TBC1D9B: variants seen among roughly 807,000 people sequenced by gnomAD.
The protein encoded by TBC1D9B is TBC1 domain family, member 9B (with GRAM domain).
In TBC1D9B, 87 loss-of-function variants were observed where a neutral mutation model predicts 121.1. The ratio of observed to expected loss-of-function variants is 0.72; its 90% CI spans 0.60 to 0.86. TBC1D9B has a LOEUF of 0.86. Among genes scored for constraint, TBC1D9B ranks in the 40% least tolerant of loss-of-function variants. The pLI is 0.00. For missense variants in TBC1D9B, 1,540 were observed against 1,628.6 expected (o/e 0.95, Z 0.94); for synonymous variants, 668 against 670.1 (o/e 1.00, Z 0.05).
intron 7 of TBC1D9B, among the ~76,000 whole-genome samples, chr5:179,881,946 G>GT (rs796278508): frequency 0.065 from 8,352 of 128,208 alleles, 1,174 homozygotes; most frequent in African/African-American, 0.23. Context: ...TATACCTTCC[G>GT]TTTTTTTTTT....
chr5:179,878,782 G>A (rs1467087764), intron 9 of TBC1D9B, among the ~76,000 whole-genome samples: 1 of 152,162 alleles, frequency 6.6e-6, no homozygotes, highest in Non-Finnish European at 1.5e-5. Flanking sequence ...GCCTCTAGGG[G>A]ACCTGTTTCC....
At chr5:179,894,260 G>A (rs545031718) in intron 4 of TBC1D9B, 126 bp downstream of exon 4, 26 of 910,424 alleles carry the variant, frequency 2.9e-5, no homozygotes, top group South Asian at 8.3e-5. Flanking sequence ...ATCTTGGGCC[G>A]CTAAGGTGGC....
rs924512687 is a variant in TBC1D9B, at chr5:179,885,096, C to T, written c.1254+3007G>A. Among the ~76,000 whole-genome samples, 10 of 152,132 alleles carry T rather than the reference C, an allele frequency of 6.6e-5. No homozygotes were observed. Among genetic ancestry groups the T allele is most frequent in the Admixed American group, 4.6e-4 (7 of 15,276 alleles). On this transcript the variant is annotated intron_variant, in intron 7 of 20. Transcript: ENST00000355235. The surrounding 1 kb of genome is among the most constrained non-coding windows in gnomAD (Gnocchi z 4.5). ...CCCTGCTTCTGTGATGGGCTCCAGC[C>T]GGCCTCCTTGCTTCTATTCTTGCCA... is the stretch of plus-strand genomic sequence containing the variant.
At chr5:179,877,847 C>T (rs2113617778) in intron 10 of TBC1D9B, among the ~76,000 whole-genome samples, 1 of 152,160 alleles carries the variant, frequency 6.6e-6, no homozygotes, top group South Asian at 2.1e-4. Context: ...ATATGAGACA[C>T]AGTAGTCAAA....
rs1052522360 is a variant in TBC1D9B, at chr5:179,890,430, C to T, written c.1044+949G>A. Among the ~76,000 whole-genome samples, 1 of 152,150 alleles carries T rather than the reference C, an allele frequency of 6.6e-6. No individual in the cohort carries two copies. Among genetic ancestry groups the T allele is most frequent in the Non-Finnish European group, 1.5e-5 (1 of 68,020 alleles). ...CTGGGGGACAGGTCAGTACAGTGCC[C>T]CGGACAGATCCACAGGGCCCTGGTG... On this transcript the variant is annotated intron_variant, in intron 6 of 20. Coordinates refer to ENST00000355235, the MANE Select transcript of TBC1D9B (RefSeq NM_015043.4). The surrounding 1 kb of genome is among the most constrained non-coding windows in gnomAD (Gnocchi z 5.0).
chr5:179,869,548 C>T (rs1760122203), intron 17 of TBC1D9B: 2 of 685,310 alleles, frequency 2.9e-6, no homozygotes, highest in South Asian at 3.0e-5. Context: ...GCCCGGTCAC[C>T]CATGGGATTC....
intron 14 of TBC1D9B, chr5:179,872,487 G>A: frequency 4.8e-6 from 1 of 207,892 alleles, no homozygotes; most frequent in African/African-American, 2.3e-5. Flanking sequence ...TGGCAGGGAG[G>A]GCCTGGCCCC....
At position 179,888,142 on chromosome 5, in the gene TBC1D9B, G is replaced by C; in HGVS notation, c.1215C>G (p.Ile405Met). ...QKTPSKQPGS[I>M]GSRKASVVDP... Reference sequence around the variant, plus strand: ...CCACAACACTGGCTTTCCTGCTCCCGATACTGCCTGGCTGCTTGGATGGTG... The same window carrying C: ...CCACAACACTGGCTTTCCTGCTCCCCATACTGCCTGGCTGCTTGGATGGTG... Residue 405 changes from isoleucine (I) to methionine (M), a missense_variant, in exon 7 of 21, where the codon ATC becomes ATG. Ile to Met is a conservative substitution (Grantham distance 10). Transcript: ENST00000355235. 6.2e-7 allele frequency: 1 copy of C among 1,613,836 alleles called. No individual in the cohort carries two copies. The highest frequency in any genetic ancestry group is 1.7e-4 in the Middle Eastern group (1 of 6,038).
intron 6 of TBC1D9B, among the ~76,000 whole-genome samples, 177 bp from the exon 7 acceptor site, chr5:179,888,489 C>T (rs974134418): frequency 6.6e-6 from 1 of 152,168 alleles, no homozygotes; most frequent in Admixed American, 6.5e-5. Flanking sequence ...GAGCAAGTTG[C>T]CTGTGCCTCT....
At chr5:179,878,739 G>A (rs1298830364) in intron 9 of TBC1D9B, among the ~76,000 whole-genome samples, 1 of 152,218 alleles carries the variant, frequency 6.6e-6, no homozygotes, top group Non-Finnish European at 1.5e-5. Flanking sequence ...CCACGGGTGT[G>A]AATGCTGTCA....
rs773292824 is a variant in TBC1D9B at position 179,899,207 on chromosome 5, G to A, written c.330C>T (p.Phe110=). 1.2e-5 allele frequency: 19 copies of A among 1,613,418 alleles called. No homozygotes were observed. Among genetic ancestry groups the A allele is most frequent in the South Asian group, 6.6e-5 (6 of 91,024 alleles). ...IFDSEEDITT[F]VKGKIHGIIA... is the part of the protein sequence containing the mutation. Reference sequence around the variant, plus strand: ...ACCTTACGTGTATCTTGCCCTTGACGAAGGTGGTGATATCTTCCTCACTGT... The same window carrying A: ...ACCTTACGTGTATCTTGCCCTTGACAAAGGTGGTGATATCTTCCTCACTGT... The change falls in exon 3 of 21, where the codon TTC becomes TTT. Residue 110 remains phenylalanine (F), a synonymous_variant. Transcript: ENST00000355235.
At chr5:179,876,328 T>A (rs1333354225) in intron 10 of TBC1D9B, among the ~76,000 whole-genome samples, 2 of 152,176 alleles carry the variant, frequency 1.3e-5, no homozygotes, top group Admixed American at 6.5e-5. Context: ...ACAGAGAGTC[T>A]GCCAACTCCT....
chr5:179,907,515 C>T lies in TBC1D9B; in HGVS notation c.118+189G>A, dbSNP rs945665441. On this transcript the variant is annotated intron_variant, in intron 1 of 20. Transcript: ENST00000355235. This position sits in a 1 kb window ranked among gnomAD's most constrained non-coding sequence, Gnocchi z 5.3. ...GCCTCCCGCCAGCCCCTCGCCTCCC[C>T]GCCCCGGCCCCTCCGCGCCCGGCTC... Among the ~76,000 whole-genome samples the T allele has an allele frequency of 3.3e-5, 5 of 150,548 alleles. No individual in the cohort carries two copies. Among genetic ancestry groups the T allele is most frequent in the African/African-American group, 9.7e-5 (4 of 41,230 alleles).
At chr5:179,903,644 T>C (rs1761223794) in intron 2 of TBC1D9B, among the ~76,000 whole-genome samples, 1 of 152,212 alleles carries the variant, frequency 6.6e-6, no homozygotes, top group Non-Finnish European at 1.5e-5. Context: ...TACGTATTCC[T>C]GATCGATTGG....
At chr5:179,887,908 G>T in intron 7 of TBC1D9B, 195 bp downstream of exon 7, 2 of 677,304 alleles carry the variant, frequency 3.0e-6, no homozygotes, top group Non-Finnish European at 5.1e-6. Flanking sequence ...TGTGTGGCTG[G>T]GGGTGCAGAG....
In TBC1D9B at chr5:179,899,248, T is replaced by C. The variant is rs760706081; in HGVS notation, c.289A>G (p.Thr97Ala). The change falls in exon 3 of 21, where the codon ACA (threonine) becomes GCA (alanine). Residue 97 changes from threonine to alanine, a missense_variant. By Grantham distance (58) the Thr-to-Ala change is moderately conservative. Transcript: ENST00000355235. Reference protein sequence around the residue: ...WEWLENNLLQTLSIFDSEEDI... With the variant: ...WEWLENNLLQALSIFDSEEDI... ...TCCTCACTGTCGAAGATGGACAGTG[T>C]CTGGAGCAAGTTATTTTCCAGCCAT... is the stretch of plus-strand genomic sequence containing the variant. 6.2e-7 allele frequency: 1 copy of C among 1,613,994 alleles called. No homozygotes were observed. Among genetic ancestry groups the C allele is most frequent in the Non-Finnish European group, 8.5e-7 (1 of 1,180,000 alleles).
chr5:179,863,659 G>C lies in TBC1D9B; in HGVS notation c.3491C>G (p.Ala1164Gly), dbSNP rs999574922. The C allele has an allele frequency of 1.9e-6, 3 of 1,613,644 alleles. No individual in the cohort carries two copies. In the Admixed American group the frequency reaches 5.0e-5, roughly 27 times the overall value. Residue 1164 changes from alanine to glycine, a missense_variant, in exon 21 of 21, where the codon GCC becomes GGC. Coordinates refer to ENST00000355235, the MANE Select transcript of TBC1D9B (RefSeq NM_015043.4). The surrounding 1 kb of genome is among the most constrained non-coding windows in gnomAD (Gnocchi z 4.5). ...GCCGATGCGCGCTGTGGGGCTGCAG[G>C]CCTCCCCGCCCACCAGCACCGTGTC... The part of the protein sequence containing the change: ...ADDTVLVGGE[A>G]CSPTARIGGT...
chr5:179,868,792 G>C, intron 17 of TBC1D9B: 1 of 152,710 alleles, frequency 6.5e-6, no homozygotes, highest in Middle Eastern at 3.4e-3. Context: ...TGGGCCACAA[G>C]CCCAGCAGAG....
chr5:179,882,399 C>T (rs1760567011), intron 7 of TBC1D9B, among the ~76,000 whole-genome samples: 1 of 152,212 alleles, frequency 6.6e-6, no homozygotes, highest in Non-Finnish European at 1.5e-5. Flanking sequence ...GCCCAAGCTG[C>T]TTCCATCACT....
Sources: allele counts gnomAD v4.1 joint callset (sites outside exome capture counted in the v4.1 genomes callset), GRCh38; gene constraint gnomAD v4.1.1; non-coding constraint Gnocchi (gnomAD v3.1); transcripts MANE v1.5; gene names NCBI Gene and HGNC (gene_info 2026-07-23, HGNC 2026-07-21).